MPDZ: variants seen among roughly 807,000 people sequenced by gnomAD.
The protein encoded by MPDZ is multiple PDZ domain protein.
In MPDZ, 234 loss-of-function variants were observed where a neutral mutation model predicts 239.1. The ratio of observed to expected loss-of-function variants is 0.98; its 90% CI spans 0.88 to 1.09. MPDZ has a LOEUF of 1.09. MPDZ is among the 50% of genes least tolerant of loss of function. The probability of loss-of-function intolerance (pLI) is 0.00; values close to 1 mark genes in which losing one functional copy is unlikely to be tolerated. For missense variants in MPDZ, 3,175 were observed against 2,510.0 expected (o/e 1.26, Z -5.66); for synonymous variants, 1,048 against 881.3 (o/e 1.19, Z -3.35).
At chr9:13,149,233 A>C (rs541910621) in intron 25 of MPDZ, among the ~76,000 whole-genome samples, 4 of 152,102 alleles carry the variant, frequency 2.6e-5, no homozygotes, top group East Asian at 3.9e-4. Flanking sequence ...CTCAGGTCCC[A>C]ATCTTCTTCC....
At chr9:13,236,261 ATATATATTTTTTTTTTT>A (rs1315744207) in intron 3 of MPDZ, among the ~76,000 whole-genome samples, 270 of 21,630 alleles carry the variant, frequency 0.012, 43 homozygotes, top group East Asian at 0.039. Flanking sequence ...ATATATATAT[ATATATATTTTTTTTTTT>A]TTTTTTTTTT....
At chr9:13,270,937 T>C (rs1329874716) in intron 1 of MPDZ, among the ~76,000 whole-genome samples, 2 of 152,170 alleles carry the variant, frequency 1.3e-5, no homozygotes, top group Non-Finnish European at 2.9e-5. Flanking sequence ...CTATCAAACA[T>C]GGTAAGAATT....
At chr9:13,201,587 C>G (rs1472899803) in intron 12 of MPDZ, among the ~76,000 whole-genome samples, 2 of 151,930 alleles carry the variant, frequency 1.3e-5, no homozygotes, top group East Asian at 3.9e-4. Context: ...TCCCATAATT[C>G]TCATAGGTCT....
rs755736030 is a variant in MPDZ, at chr9:13,108,956, C to T, written c.6046G>A (p.Val2016Ile). The stretch of plus-strand genomic sequence containing the variant: ...CTTACCTTTGCAAACACTGTTTTAA[C>T]ATAAATGGGTAAGTCTCCATGAGGG... Reference protein sequence around the residue: ...GSPHGDLPIYVKTVFAKGAAS... With the variant: ...GSPHGDLPIYIKTVFAKGAAS... Residue 2016 changes from valine (V) to isoleucine (I), a missense_variant, in exon 46 of 47, where the codon GTT becomes ATT. Coordinates refer to ENST00000319217, the MANE Select transcript of MPDZ (RefSeq NM_001378778.1). 7 of 1,610,688 alleles carry T rather than the reference C, an allele frequency of 4.3e-6. No individual in the cohort carries two copies. In the African/African-American group the frequency reaches 6.7e-5, roughly 15 times the overall value.
At position 13,205,964 on chromosome 9, in the gene MPDZ, C is replaced by T. The variant is rs749650642; in HGVS notation, c.1426G>A (p.Val476Ile). 1.5e-5 allele frequency: 24 copies of T among 1,609,348 alleles called. No individual in the cohort carries two copies. The highest frequency in any genetic ancestry group is 4.5e-5 in the East Asian group (2 of 44,742). Residue 476 changes from valine to isoleucine, a missense_variant, in exon 11 of 47, where the codon GTC (valine) becomes ATC (isoleucine). By Grantham distance (29) the Val-to-Ile change is conservative. Transcript: ENST00000319217. ...GGAGACAAATCTGCATCTTTTGTGA[C>T]GTCTTCCCTTGACATGAGCTCGGCT... ...QEAELMSRED[V>I]TKDADLSPVN... is the part of the protein sequence containing the mutation.
At chr9:13,216,949 A>C (rs916972561) in intron 9 of MPDZ, 87 bp from the exon 10 acceptor site, 1 of 1,033,224 alleles carries the variant, frequency 9.7e-7, no homozygotes, top group Non-Finnish European at 1.4e-6. Context: ...TAAAGCTCTA[A>C]TTCAGAATAA....
chr9:13,236,249 G>GTATATATA (rs1172287952), intron 3 of MPDZ, among the ~76,000 whole-genome samples: 2 of 35,864 alleles, frequency 5.6e-5, no homozygotes, highest in African/African-American at 2.3e-4. Context: ...GTGTGTGTGT[G>GTATATATA]TATATATATA....
intron 10 of MPDZ, among the ~76,000 whole-genome samples, chr9:13,214,752 C>T (rs1346113508): frequency 6.6e-6 from 1 of 151,950 alleles, no homozygotes; most frequent in African/African-American, 2.4e-5. Flanking sequence ...AAAACATGTA[C>T]AGTAATTCAT....
chr9:13,156,905 C>A (rs1220922708), intron 24 of MPDZ, among the ~76,000 whole-genome samples: 1 of 152,134 alleles, frequency 6.6e-6, no homozygotes, highest in Non-Finnish European at 1.5e-5. Context: ...ATACCCTGTT[C>A]TCAATGTAGG....
rs370520671 is a variant in MPDZ at position 13,219,710 on chromosome 9, C to G, written c.935G>C (p.Gly312Ala). 9.9e-6 allele frequency: 16 copies of G among 1,612,654 alleles called. No homozygotes were observed. The highest frequency in any genetic ancestry group is 1.2e-5 in the Non-Finnish European group (14 of 1,179,224). Residue 312 changes from glycine (G) to alanine (A), a missense_variant, in exon 8 of 47, where the codon GGA becomes GCA. By Grantham distance (60) the Gly-to-Ala change is moderately conservative. Coordinates refer to ENST00000319217, the MANE Select transcript of MPDZ (RefSeq NM_001378778.1). ...TTGTGCTACTTGCTCACTGCTCATT[C>G]CTGCTAGATCTGTGTCACCAATCTT... ...ILKIGDTDLA[G>A]MSSEQVAQVL... is the part of the protein sequence containing the mutation.
At chr9:13,267,757 A>C (rs1972088836) in intron 1 of MPDZ, among the ~76,000 whole-genome samples, 1 of 152,172 alleles carries the variant, frequency 6.6e-6, no homozygotes, top group South Asian at 2.1e-4. Context: ...GAAGGGATGG[A>C]AAGATGGAAT....
chr9:13,272,700 TAAA>T (rs539786957), intron 1 of MPDZ, among the ~76,000 whole-genome samples: 2 of 78,578 alleles, frequency 2.5e-5, no homozygotes, highest in African/African-American at 4.9e-5. Flanking sequence ...CTGTTCCTAC[TAAA>T]AAAAAAAAAA....
At chr9:13,267,862 A>G (rs1972108045) in intron 1 of MPDZ, among the ~76,000 whole-genome samples, 1 of 152,168 alleles carries the variant, frequency 6.6e-6, no homozygotes, top group East Asian at 1.9e-4. Context: ...GAGGTTACAG[A>G]CGCACAGGAA....
At chr9:13,122,643 C>G (rs895374845) in intron 36 of MPDZ, among the ~76,000 whole-genome samples, 2 of 151,940 alleles carry the variant, frequency 1.3e-5, no homozygotes, top group African/African-American at 2.4e-5. Flanking sequence ...GCCTCAACCT[C>G]CCAAGTAGCT....
intron 39 of MPDZ, among the ~76,000 whole-genome samples, chr9:13,118,911 C>T (rs753870827): frequency 3.3e-5 from 5 of 152,100 alleles, no homozygotes; most frequent in Admixed American, 6.5e-5. Flanking sequence ...CTTATAATTA[C>T]GATAATCCCC....
At chr9:13,252,828 G>A (rs1023782020) in intron 1 of MPDZ, among the ~76,000 whole-genome samples, 2 of 152,104 alleles carry the variant, frequency 1.3e-5, no homozygotes, top group African/African-American at 4.8e-5. Flanking sequence ...AATCACCCAG[G>A]AGGAAGCATG....
At chr9:13,252,143 A>C (rs1051436508) in intron 1 of MPDZ, among the ~76,000 whole-genome samples, 2 of 152,190 alleles carry the variant, frequency 1.3e-5, no homozygotes, top group Admixed American at 6.5e-5. Flanking sequence ...ATGAGGCCTA[A>C]TATAGGGAAA....
intron 3 of MPDZ, among the ~76,000 whole-genome samples, chr9:13,230,255 A>G (rs1181492557): frequency 6.6e-6 from 1 of 152,146 alleles, no homozygotes; most frequent in Non-Finnish European, 1.5e-5. Context: ...GTTTCTAAAA[A>G]CAACTAGATA....
intron 12 of MPDZ, among the ~76,000 whole-genome samples, chr9:13,197,385 G>A (rs1029802095): frequency 6.6e-6 from 1 of 151,896 alleles, no homozygotes; most frequent in African/African-American, 2.4e-5. Context: ...TAACACTCCC[G>A]AGTAGCTGGG....
Sources: allele counts gnomAD v4.1 joint callset (sites outside exome capture counted in the v4.1 genomes callset), GRCh38; gene constraint gnomAD v4.1.1; transcripts MANE v1.5; gene names NCBI Gene and HGNC (gene_info 2026-07-23, HGNC 2026-07-21).